The following TRPM3 variants were observed in gnomAD, a reference collection of about 807,000 sequenced individuals.
The protein encoded by TRPM3 is long transient receptor potential channel 3.
TRPM3 carries 77 observed loss-of-function variants against 181.2 expected under a neutral mutation model. The observed-to-expected ratio is 0.42, with a 90% CI of 0.35 to 0.51. The LOEUF (loss-of-function observed/expected upper bound fraction) is 0.51. Among genes scored for constraint, TRPM3 ranks in the 20% least tolerant of loss-of-function variants. The probability of loss-of-function intolerance (pLI) is 0.01; values close to 1 mark genes in which losing one functional copy is unlikely to be tolerated. For missense variants in TRPM3, 1,759 were observed against 2,196.7 expected, an observed-to-expected ratio of 0.80 and a Z score of 3.98; for synonymous variants, 745 against 796.4, an observed-to-expected ratio of 0.94 and a Z score of 1.09.
intron 1 of TRPM3, among the ~76,000 whole-genome samples, chr9:71,129,906 G>A (rs1334809188): frequency 6.6e-6 from 1 of 152,060 alleles, no homozygotes; most frequent in Non-Finnish European, 1.5e-5. Context: ...GTTACATCTG[G>A]CTGGCCTCTC....
Position 70,532,661 on chromosome 9 carries a change from A to G in TRPM3, c.*3292T>C, listed in dbSNP as rs182421290. 4 of 152,358 alleles carry G rather than the reference A, an allele frequency of 2.6e-5. No individual in the cohort carries two copies. The East Asian group carries it at 7.7e-4, about 29-fold the overall frequency. 9.4% of individuals were successfully genotyped at this position (152,358 alleles called of 1,614,324 possible). On this transcript the variant is annotated 3_prime_UTR_variant, in exon 26 of 26. Coordinates refer to ENST00000677713, the MANE Select transcript of TRPM3 (RefSeq NM_001366145.2). ...CCTTAAATTTTTTTCAAAAGGAACAAGCAATTTAGAACAAATCATTACATA... is the reference window on the plus strand; with the variant it reads ...CCTTAAATTTTTTTCAAAAGGAACAGGCAATTTAGAACAAATCATTACATA...
intron 1 of TRPM3, among the ~76,000 whole-genome samples, chr9:71,044,017 T>C (rs558522676): frequency 2.3e-4 from 35 of 152,296 alleles, no homozygotes; most frequent in African/African-American, 8.4e-4. Context: ...TATCTCACAA[T>C]ATTCCATTAT....
intron 1 of TRPM3, among the ~76,000 whole-genome samples, chr9:71,400,412 A>C (rs1192412459): frequency 6.6e-6 from 1 of 152,148 alleles, no homozygotes; most frequent in Non-Finnish European, 1.5e-5. Flanking sequence ...CACTGGGATG[A>C]TCTAGAGAGG....
In TRPM3 at chr9:70,784,280, C is replaced by A; in HGVS notation, c.974-1G>T. On this transcript the variant is annotated splice_acceptor_variant, in intron 6 of 25. Transcript: ENST00000677713. LOFTEE classifies it high-confidence loss of function. Reference sequence around the variant, plus strand: ...ACCACAGGAACACCTTGACCGATTCCTGCATTAAAAAAGGAAAAGAAAAGG... The same window carrying A: ...ACCACAGGAACACCTTGACCGATTCATGCATTAAAAAAGGAAAAGAAAAGG... 1 of 1,573,558 alleles carries A rather than the reference C, an allele frequency of 6.4e-7. No homozygotes were observed. The highest frequency in any genetic ancestry group is 8.6e-7 in the Non-Finnish European group (1 of 1,157,126).
intron 1 of TRPM3, among the ~76,000 whole-genome samples, chr9:70,985,107 T>A (rs1297076864): frequency 6.6e-6 from 1 of 152,172 alleles, no homozygotes; most frequent in Non-Finnish European, 1.5e-5. Flanking sequence ...AAGGCCTGAT[T>A]ATGCAATTAT....
At chr9:71,191,787 CAT>C (rs1491513766) in intron 1 of TRPM3, among the ~76,000 whole-genome samples, 1 of 31,458 alleles carries the variant, frequency 3.2e-5, no homozygotes, top group Non-Finnish European at 9.1e-5. Context: ...AACAACAGAA[CAT>C]ATAAAAAAAA....
chr9:70,675,907 CTTAT>C (rs1255836759), intron 9 of TRPM3, among the ~76,000 whole-genome samples: 7 of 152,032 alleles, frequency 4.6e-5, no homozygotes, highest in Admixed American at 2.0e-4. Context: ...TGATATCATT[CTTAT>C]TTATCTCTTA....
chr9:71,296,038 G>C (rs952241129), intron 1 of TRPM3, among the ~76,000 whole-genome samples: 3 of 151,988 alleles, frequency 2.0e-5, no homozygotes, highest in African/African-American at 7.3e-5. Context: ...GAGGTGTATA[G>C]GAAAATGTTT....
intron 5 of TRPM3, among the ~76,000 whole-genome samples, chr9:70,839,693 C>G (rs532134235): frequency 4.7e-4 from 72 of 152,168 alleles, no homozygotes; most frequent in Non-Finnish European, 7.9e-4. Context: ...CCAGATTTCC[C>G]TTGACATTTA....
At chr9:71,226,466 G>GA (rs575506560) in intron 1 of TRPM3, among the ~76,000 whole-genome samples, 230 of 151,764 alleles carry the variant, frequency 1.5e-3, no homozygotes, top group African/African-American at 4.5e-3. Context: ...CACGTAGACT[G>GA]AAAAAAAGGG....
chr9:70,985,743 C>A (rs891552977), intron 1 of TRPM3, among the ~76,000 whole-genome samples: 1 of 152,076 alleles, frequency 6.6e-6, no homozygotes, highest in Admixed American at 6.5e-5. Flanking sequence ...TGCACTCATG[C>A]AATCTATGAT....
intron 1 of TRPM3, among the ~76,000 whole-genome samples, chr9:71,153,334 C>T (rs372248385): frequency 6.8e-6 from 1 of 147,152 alleles, no homozygotes; most frequent in African/African-American, 2.6e-5. Context: ...CTCTGTCATC[C>T]AGGCTGGAGG....
chr9:70,749,573 T>G (rs910705528), intron 8 of TRPM3, among the ~76,000 whole-genome samples: 2 of 152,132 alleles, frequency 1.3e-5, no homozygotes, highest in Admixed American at 1.3e-4. Flanking sequence ...GTAAATAACA[T>G]CCTGCTTATT....
intron 6 of TRPM3, among the ~76,000 whole-genome samples, chr9:70,808,294 G>A (rs1245067203): frequency 6.6e-6 from 1 of 152,206 alleles, no homozygotes; most frequent in Non-Finnish European, 1.5e-5. Flanking sequence ...ATTCTTCCCT[G>A]AATGTAAAAG....
intron 22 of TRPM3, among the ~76,000 whole-genome samples, chr9:70,556,666 G>A (rs1413776934): frequency 6.6e-6 from 1 of 152,156 alleles, no homozygotes; most frequent in Non-Finnish European, 1.5e-5. Flanking sequence ...AGGTTGCAGT[G>A]AGCTGAGATC....
At chr9:70,567,488 A>T (rs1468438103) in intron 22 of TRPM3, among the ~76,000 whole-genome samples, 1 of 152,228 alleles carries the variant, frequency 6.6e-6, no homozygotes, top group Non-Finnish European at 1.5e-5. Context: ...CCAGAGTACA[A>T]ACTGGTGACA....
At chr9:71,025,651 G>A (rs1053153136) in intron 1 of TRPM3, among the ~76,000 whole-genome samples, 2 of 152,198 alleles carry the variant, frequency 1.3e-5, no homozygotes, top group African/African-American at 2.4e-5. Context: ...TGGAGGGCAG[G>A]TAACTCTGTT....
intron 1 of TRPM3, among the ~76,000 whole-genome samples, chr9:71,359,911 A>G (rs1352750423): frequency 2.0e-5 from 3 of 152,178 alleles, no homozygotes; most frequent in East Asian, 1.9e-4. Context: ...AAATACTATT[A>G]TAAGATAAGA....
At chr9:71,024,830 T>C (rs1483717651) in intron 1 of TRPM3, among the ~76,000 whole-genome samples, 1 of 152,250 alleles carries the variant, frequency 6.6e-6, no homozygotes, top group Non-Finnish European at 1.5e-5. Flanking sequence ...TGTGTTCTGA[T>C]GCTTTGACTA....
Sources: gnomAD v4.1 joint callset for allele counts (sites outside exome capture counted in the v4.1 genomes callset) on GRCh38, gnomAD v4.1.1 for gene constraint, MANE v1.5 for transcripts, NCBI Gene and HGNC (gene_info 2026-07-23, HGNC 2026-07-21) for gene names.